Variants in MARCHF11 observed in about 807,000 individuals in gnomAD.
MARCHF11 encodes membrane associated ring-CH-type finger 11.
In MARCHF11, 29 loss-of-function variants were observed where a neutral mutation model predicts 37.3. The observed-to-expected ratio is 0.78, with a 90% CI of 0.58 to 1.06. The LOEUF is 1.06. Among genes scored for constraint, MARCHF11 ranks in the 50% least tolerant of loss-of-function variants. The probability of loss-of-function intolerance (pLI) is 0.00; values close to 1 mark genes in which losing one functional copy is unlikely to be tolerated. For synonymous variants in MARCHF11, 233 were observed against 228.0 expected (o/e 1.02, Z -0.20); for missense variants, 482 against 533.4 (o/e 0.90, Z 0.95).
chr5:16,108,218 G>A (rs1226592084), intron 2 of MARCHF11, among the ~76,000 whole-genome samples: 9 of 152,126 alleles, frequency 5.9e-5, no homozygotes, highest in Admixed American at 1.3e-4. Flanking sequence ...TGGGGCTGGG[G>A]CCCAAAGTGC....
intron 3 of MARCHF11, among the ~76,000 whole-genome samples, chr5:16,083,289 G>C (rs1736643348): frequency 6.6e-6 from 1 of 152,168 alleles, no homozygotes; most frequent in Non-Finnish European, 1.5e-5. Context: ...GACCAGGAAA[G>C]AGCTTAGTCT....
At chr5:16,126,220 T>C (rs893905767) in intron 2 of MARCHF11, among the ~76,000 whole-genome samples, 1 of 152,038 alleles carries the variant, frequency 6.6e-6, no homozygotes. Context: ...GCTGGGGTAG[T>C]GAGTGAAAGA....
At chr5:16,107,627 T>C (rs1737065518) in intron 2 of MARCHF11, among the ~76,000 whole-genome samples, 1 of 151,998 alleles carries the variant, frequency 6.6e-6, no homozygotes, top group African/African-American at 2.4e-5. Context: ...CTGGATAAAC[T>C]CAGCCCTAAG....
At chr5:16,123,951 G>A (rs1737357301) in intron 2 of MARCHF11, among the ~76,000 whole-genome samples, 1 of 152,028 alleles carries the variant, frequency 6.6e-6, no homozygotes, top group African/African-American at 2.4e-5. Flanking sequence ...ATTTAAATCA[G>A]GACTGTGTGG....
intron 2 of MARCHF11, among the ~76,000 whole-genome samples, chr5:16,112,318 C>T (rs1737156393): frequency 6.6e-6 from 1 of 152,172 alleles, no homozygotes; most frequent in Non-Finnish European, 1.5e-5. Flanking sequence ...CCCTGCAAAG[C>T]CACAGGGAAA....
chr5:16,115,868 C>A (rs1359619213), intron 2 of MARCHF11, among the ~76,000 whole-genome samples: 2 of 152,124 alleles, frequency 1.3e-5, no homozygotes, highest in Non-Finnish European at 2.9e-5. Flanking sequence ...CTCAGGTGAT[C>A]CACCTGCCTC....
chr5:16,127,650 G>A (rs1011059320), intron 2 of MARCHF11, among the ~76,000 whole-genome samples: 7 of 152,176 alleles, frequency 4.6e-5, no homozygotes, highest in African/African-American at 1.7e-4. Context: ...CAGCAGGGAG[G>A]GACCGTCCTA....
intron 2 of MARCHF11, among the ~76,000 whole-genome samples, chr5:16,171,183 C>T (rs1427437901): frequency 1.3e-5 from 2 of 151,854 alleles, no homozygotes; most frequent in Non-Finnish European, 2.9e-5. Flanking sequence ...TATACATGTG[C>T]CATGCTGGTG....
At chr5:16,147,150 T>C (rs1737812277) in intron 2 of MARCHF11, among the ~76,000 whole-genome samples, 1 of 152,152 alleles carries the variant, frequency 6.6e-6, no homozygotes, top group African/African-American at 2.4e-5. Context: ...ACAGCCACAA[T>C]AGAACAGGTT....
At chr5:16,067,886 T>G (rs1736376619) in intron 3 of MARCHF11, 93 bp from the exon 4 acceptor site, 1 of 1,124,922 alleles carries the variant, frequency 8.9e-7, no homozygotes, top group African/African-American at 1.6e-5. Flanking sequence ...CCAAAAATAG[T>G]TATGTTATTC....
rs10474720 is a variant in MARCHF11 at position 16,161,937 on chromosome 5, A to T, written c.693+15789T>A. 3.5e-3 allele frequency among the ~76,000 whole-genome samples: 528 copies of T among 152,140 alleles called. 2 individuals are homozygous for T. Among genetic ancestry groups the T allele is most frequent in the African/African-American group, 0.012 (495 of 41,538 alleles). ...ATCTCAGAAACTGTGGGCTTTTAAC[A>T]GAAAAACTGTACTTGTCCAAGGAGA... On this transcript the variant is annotated intron_variant, in intron 2 of 3. Transcript: ENST00000332432.
intron 2 of MARCHF11, among the ~76,000 whole-genome samples, chr5:16,092,929 C>G (rs1290375329): frequency 6.6e-6 from 1 of 152,182 alleles, no homozygotes; most frequent in Non-Finnish European, 1.5e-5. Context: ...TGTCACCAAA[C>G]AGATATGAAG....
intron 2 of MARCHF11, among the ~76,000 whole-genome samples, chr5:16,145,888 G>A (rs149880023): frequency 3.8e-3 from 579 of 152,232 alleles, no homozygotes; most frequent in Non-Finnish European, 6.7e-3. Context: ...TTTGTCCAAA[G>A]TGAAGAATTA....
At chr5:16,122,123 C>T (rs921804064) in intron 2 of MARCHF11, among the ~76,000 whole-genome samples, 3 of 152,166 alleles carry the variant, frequency 2.0e-5, no homozygotes, top group African/African-American at 4.8e-5. Context: ...CCCTTTCTCA[C>T]CCACTGTACA....
intron 3 of MARCHF11, among the ~76,000 whole-genome samples, chr5:16,075,252 C>CT (rs1358477411): frequency 6.6e-6 from 1 of 152,170 alleles, no homozygotes; most frequent in African/African-American, 2.4e-5. Flanking sequence ...CTTGGCAAAC[C>CT]TGAGCTTAAA....
chr5:16,068,976 T>C (rs1736393350), intron 3 of MARCHF11, among the ~76,000 whole-genome samples: 2 of 152,220 alleles, frequency 1.3e-5, no homozygotes, highest in African/African-American at 4.8e-5. Context: ...AGTTAGACCT[T>C]TGGGTATATG....
chr5:16,139,465 T>A (rs1348402379), intron 2 of MARCHF11, among the ~76,000 whole-genome samples: 1 of 152,164 alleles, frequency 6.6e-6, no homozygotes, highest in African/African-American at 2.4e-5. Flanking sequence ...GTAGCACTAT[T>A]AAAATGGACT....
intron 2 of MARCHF11, among the ~76,000 whole-genome samples, chr5:16,142,692 T>TC (rs1737730859): frequency 6.9e-6 from 1 of 144,786 alleles, no homozygotes; most frequent in Non-Finnish European, 1.5e-5. Flanking sequence ...ATTTTATCTT[T>TC]TTTTTTTTTT....
intron 2 of MARCHF11, among the ~76,000 whole-genome samples, chr5:16,165,646 C>T (rs552311029): frequency 1.1e-4 from 16 of 152,136 alleles, no homozygotes; most frequent in South Asian, 2.1e-4. Context: ...ACTATAGTTA[C>T]GGGTTTTAGA....
Sources: allele counts gnomAD v4.1 joint callset (sites outside exome capture counted in the v4.1 genomes callset), GRCh38; gene constraint gnomAD v4.1.1; transcripts MANE v1.5; gene names NCBI Gene and HGNC (gene_info 2026-07-23, HGNC 2026-07-21).